Variants in GAB2 observed in about 807,000 individuals in gnomAD.
GAB2 encodes GRB2-associated-binding protein 2.
A neutral mutation model predicts 65.5 loss-of-function variants in GAB2; 26 were observed. That is an observed-to-expected ratio of 0.40 (90% CI 0.29 to 0.55). The LOEUF (loss-of-function observed/expected upper bound fraction) is 0.55, where lower values mean the gene tolerates loss of function less well. Among genes scored for constraint, GAB2 ranks in the 20% least tolerant of loss-of-function variants. The pLI is 0.53. For missense variants in GAB2, 884 were observed against 875.8 expected, an observed-to-expected ratio of 1.01 and a Z score of -0.12; for synonymous variants, 321 against 329.6, an observed-to-expected ratio of 0.97 and a Z score of 0.28.
Position 78,217,798 on chromosome 11 carries a change from G to A in GAB2, c.*1474C>T, listed in dbSNP as rs558165403. 6.6e-6 allele frequency: 1 copy of A among 152,398 alleles called. No individual in the cohort carries two copies. The highest frequency in any genetic ancestry group is 6.5e-5 in the Admixed American group (1 of 15,302). The allele number at this position is 152,398 out of a possible 1,614,324, so 9.4% of individuals were successfully genotyped here. On this transcript the variant is annotated 3_prime_UTR_variant, in exon 10 of 10. Transcript: ENST00000361507. ...CTAGGGAGCAACAGAGGGCGGATGA[G>A]CTGAGGAAACACTGGGCCGGCACCA...
intron 2 of GAB2, among the ~76,000 whole-genome samples, chr11:78,262,461 A>G (rs1252251376): frequency 1.3e-5 from 2 of 152,218 alleles, no homozygotes; most frequent in Non-Finnish European, 2.9e-5. Context: ...AAAGATCTTG[A>G]ACTCTGTGTT....
chr11:78,319,372 A>G (rs768047487), intron 1 of GAB2, among the ~76,000 whole-genome samples: 2 of 152,246 alleles, frequency 1.3e-5, no homozygotes, highest in African/African-American at 2.4e-5. Flanking sequence ...CTTTGTGCCC[A>G]ATAATTCTCA....
At chr11:78,414,924 T>G (rs906759261) in intron 1 of GAB2, among the ~76,000 whole-genome samples, 1 of 152,198 alleles carries the variant, frequency 6.6e-6, no homozygotes, top group Non-Finnish European at 1.5e-5. Context: ...CAGGCTGGAG[T>G]GCAGTGGTAC....
intron 2 of GAB2, among the ~76,000 whole-genome samples, chr11:78,270,926 G>T (rs915456807): frequency 7.2e-5 from 11 of 152,238 alleles, no homozygotes; most frequent in African/African-American, 2.7e-4. Context: ...ACATCAATAA[G>T]GCAAATGAGT....
Position 78,292,038 on chromosome 11 carries a change from G to C in GAB2, c.76-11137C>G, listed in dbSNP as rs967778584. On this transcript the variant is annotated intron_variant, in intron 1 of 9. Transcript: ENST00000361507. ...TGTGTGTGTGTGTGTGTGAGAGAGA[G>C]AGAGTCAGTCTTTGTTATTGGTGAA... Among the ~76,000 whole-genome samples the C allele has an allele frequency of 3.3e-5, 5 of 151,780 alleles. 1 individual carries two copies. The highest frequency in any genetic ancestry group is 1.2e-4 in the African/African-American group (5 of 41,232).
At chr11:78,369,202 C>T (rs1173294308) in intron 1 of GAB2, among the ~76,000 whole-genome samples, 2 of 151,702 alleles carry the variant, frequency 1.3e-5, no homozygotes, top group African/African-American at 2.4e-5. Flanking sequence ...TTTATCATCC[C>T]TGCTGGTCTC....
At chr11:78,242,354 T>C (rs1865156633) in intron 3 of GAB2, among the ~76,000 whole-genome samples, 1 of 151,840 alleles carries the variant, frequency 6.6e-6, no homozygotes, top group Admixed American at 6.6e-5. Flanking sequence ...TACAAAAAAT[T>C]AGCTGGGTGT....
intron 1 of GAB2, among the ~76,000 whole-genome samples, chr11:78,410,695 A>G (rs964215967): frequency 1.3e-5 from 2 of 152,214 alleles, no homozygotes; most frequent in African/African-American, 4.8e-5. Flanking sequence ...AACTTCTATA[A>G]TTCAGCCAAT....
intron 1 of GAB2, among the ~76,000 whole-genome samples, chr11:78,383,860 G>C (rs1474439319): frequency 6.6e-6 from 1 of 152,100 alleles, no homozygotes; most frequent in East Asian, 1.9e-4. Context: ...ATCTTCCAAG[G>C]CCCTTTCCAA....
intron 1 of GAB2, among the ~76,000 whole-genome samples, chr11:78,352,461 G>A (rs1360421443): frequency 6.6e-6 from 1 of 152,206 alleles, no homozygotes; most frequent in African/African-American, 2.4e-5. Flanking sequence ...CAAGTTGAAA[G>A]CATGTGATAA....
intron 1 of GAB2, among the ~76,000 whole-genome samples, chr11:78,354,612 G>A (rs1856330362): frequency 6.6e-6 from 1 of 152,146 alleles, no homozygotes; most frequent in Admixed American, 6.5e-5. Flanking sequence ...GGTCTGGACA[G>A]CAATACAGCT....
At chr11:78,295,652 G>A (rs58474877) in intron 1 of GAB2, among the ~76,000 whole-genome samples, 5,905 of 152,208 alleles carry the variant, frequency 0.039, 377 homozygotes, top group African/African-American at 0.13. Flanking sequence ...AGTTCATGTA[G>A]GTGTTCTCAG....
Position 78,216,925 on chromosome 11 carries a change from T to C in GAB2, c.*2347A>G, listed in dbSNP as rs1864178056. The C allele has an allele frequency of 1.3e-5, 2 of 152,320 alleles. No individual in the cohort carries two copies. Among genetic ancestry groups the C allele is most frequent in the African/African-American group, 4.8e-5 (2 of 41,444 alleles). The allele number at this position is 152,320 out of a possible 1,614,324, so 9.4% of individuals were successfully genotyped here. On this transcript the variant is annotated 3_prime_UTR_variant, in exon 10 of 10. Transcript: ENST00000361507. ...TACCACCACTGCTTCCATTCACTTA[T>C]TGGAACACCAAGGCATGGCCCCTAC...
chr11:78,330,839 G>A (rs1855902134), intron 1 of GAB2, among the ~76,000 whole-genome samples: 1 of 151,498 alleles, frequency 6.6e-6, no homozygotes, highest in Admixed American at 6.6e-5. Flanking sequence ...GAAGTAGAAA[G>A]GTATTAGTTC....
At chr11:78,222,412 G>GCA (rs1864474305) in intron 6 of GAB2, among the ~76,000 whole-genome samples, 1 of 151,522 alleles carries the variant, frequency 6.6e-6, no homozygotes, top group Admixed American at 6.6e-5. Context: ...TCTTTCTGCT[G>GCA]TATCTATGGT....
chr11:78,251,504 T>C (rs150011775), intron 2 of GAB2, among the ~76,000 whole-genome samples: 1 of 152,364 alleles, frequency 6.6e-6, no homozygotes, highest in East Asian at 1.9e-4. Flanking sequence ...TCCAAATTCC[T>C]TAGCATAACA....
intron 1 of GAB2, among the ~76,000 whole-genome samples, chr11:78,377,595 C>G (rs1856647127): frequency 6.6e-6 from 1 of 152,122 alleles, no homozygotes; most frequent in South Asian, 2.1e-4. Flanking sequence ...AACGTGGTAG[C>G]AGCAGAAAAG....
At chr11:78,262,372 CAT>C (rs1565131568) in intron 2 of GAB2, among the ~76,000 whole-genome samples, 2 of 152,192 alleles carry the variant, frequency 1.3e-5, no homozygotes, top group Admixed American at 6.5e-5. Context: ...TAAGAAATGA[CAT>C]AGTCCCTGCA....
At chr11:78,316,105 T>C (rs942222262) in intron 1 of GAB2, among the ~76,000 whole-genome samples, 15 of 152,130 alleles carry the variant, frequency 9.9e-5, no homozygotes, top group African/African-American at 3.4e-4. Flanking sequence ...CTTCAGGTTC[T>C]TTGGCCTGAC....
Sources: allele counts gnomAD v4.1 joint callset (sites outside exome capture counted in the v4.1 genomes callset), GRCh38; gene constraint gnomAD v4.1.1; transcripts MANE v1.5; gene names NCBI Gene and HGNC (gene_info 2026-07-23, HGNC 2026-07-21).